Variants in NELL2 observed in about 807,000 individuals in gnomAD.
NELL2 encodes neural EGFL like 2.
In NELL2, 41 loss-of-function variants were observed where a neutral mutation model predicts 109.6. The observed-to-expected ratio is 0.37, with a 90% CI of 0.29 to 0.49. The LOEUF is 0.49. Ranked by LOEUF, NELL2 falls within the 20% of genes least tolerant of loss-of-function variation. The pLI, the probability that NELL2 is intolerant of heterozygous loss-of-function variation, is 0.98. For missense variants in NELL2, 900 were observed against 1,008.3 expected (o/e 0.89, Z 1.45); for synonymous variants, 355 against 344.7 (o/e 1.03, Z -0.33).
At chr12:44,654,813 G>A (rs1372829252) in intron 13 of NELL2, among the ~76,000 whole-genome samples, 4 of 152,130 alleles carry the variant, frequency 2.6e-5, no homozygotes, top group Non-Finnish European at 4.4e-5. Context: ...GTCACCAGGA[G>A]GTTATACACC....
chr12:44,721,259 G>C (rs1300636037), intron 9 of NELL2, among the ~76,000 whole-genome samples: 3 of 152,032 alleles, frequency 2.0e-5, no homozygotes, highest in African/African-American at 7.2e-5. Context: ...TCTTGATCCT[G>C]GCTCATATAC....
chr12:44,617,698 A>AAAAAAAAAAAAAAAAG (rs1162035416), intron 13 of NELL2, among the ~76,000 whole-genome samples: 2 of 147,780 alleles, frequency 1.4e-5, no homozygotes, highest in African/African-American at 2.5e-5. Flanking sequence ...TCTCAAAAAA[A>AAAAAAAAAAAAAAAAG]AAAAAAAAAA....
intron 15 of NELL2, among the ~76,000 whole-genome samples, chr12:44,598,102 C>T (rs1945040045): frequency 6.7e-6 from 1 of 149,296 alleles, no homozygotes; most frequent in African/African-American, 2.5e-5. Context: ...TAACTTGATC[C>T]TTGTGCACCA....
intron 2 of NELL2, among the ~76,000 whole-genome samples, chr12:44,817,965 G>T (rs940731815): frequency 6.6e-6 from 1 of 152,140 alleles, no homozygotes; most frequent in Non-Finnish European, 1.5e-5. Context: ...CCAAGTTAAC[G>T]AAGTCAGACT....
At chr12:44,573,199 G>A (rs564009704) in intron 15 of NELL2, among the ~76,000 whole-genome samples, 100 of 152,182 alleles carry the variant, frequency 6.6e-4, no homozygotes, top group Non-Finnish European at 1.0e-3. Context: ...AGGAAATTAT[G>A]GATAGAACAC....
chr12:44,540,148 C>T (rs1000038376), intron 15 of NELL2, among the ~76,000 whole-genome samples: 1 of 152,106 alleles, frequency 6.6e-6, no homozygotes. Context: ...AAAAAGAATA[C>T]ATCAACACCT....
At chr12:44,655,042 G>C (rs370173445) in intron 13 of NELL2, among the ~76,000 whole-genome samples, 1 of 152,120 alleles carries the variant, frequency 6.6e-6, no homozygotes, top group Non-Finnish European at 1.5e-5. Flanking sequence ...ATTACACTCC[G>C]GGCATGTATA....
At chr12:44,691,942 C>T (rs1948911731) in intron 12 of NELL2, among the ~76,000 whole-genome samples, 1 of 152,118 alleles carries the variant, frequency 6.6e-6, no homozygotes, top group African/African-American at 2.4e-5. Flanking sequence ...GGAAGGTGAA[C>T]CAGCAAGCGC....
chr12:44,627,979 G>T (rs1418148480), intron 13 of NELL2, among the ~76,000 whole-genome samples: 2 of 152,140 alleles, frequency 1.3e-5, no homozygotes, highest in Admixed American at 1.3e-4. Flanking sequence ...ATCCTTATTG[G>T]ATTCACATGT....
intron 15 of NELL2, among the ~76,000 whole-genome samples, chr12:44,563,911 C>T (rs1167770440): frequency 3.3e-5 from 5 of 152,156 alleles, no homozygotes; most frequent in East Asian, 1.9e-4. Flanking sequence ...CAGCTGAAAA[C>T]GTCCACCATG....
intron 15 of NELL2, among the ~76,000 whole-genome samples, chr12:44,536,290 AT>A (rs889788942): frequency 2.0e-5 from 3 of 152,072 alleles, no homozygotes; most frequent in African/African-American, 7.2e-5. Flanking sequence ...AATTAAGTAT[AT>A]TTTGTCTATA....
chr12:44,580,445 G>A (rs1395229706), intron 15 of NELL2, among the ~76,000 whole-genome samples: 7 of 152,106 alleles, frequency 4.6e-5, no homozygotes, highest in East Asian at 1.9e-4. Context: ...AGCTGGGTGC[G>A]GTGGCTTACG....
At chr12:44,780,053 T>G in intron 3 of NELL2, 31 bp from the exon 4 acceptor site, 1 of 1,603,364 alleles carries the variant, frequency 6.2e-7, no homozygotes, top group South Asian at 1.1e-5. Context: ...TGGGACACAT[T>G]AAAAATAAAG....
chr12:44,573,902 C>A (rs570854090), intron 15 of NELL2, among the ~76,000 whole-genome samples: 1 of 152,144 alleles, frequency 6.6e-6, no homozygotes, highest in East Asian at 1.9e-4. Flanking sequence ...AACATGGAGA[C>A]GTTCTGCACT....
At chr12:44,572,787 TAA>T (rs1261862761) in intron 15 of NELL2, among the ~76,000 whole-genome samples, 1 of 152,200 alleles carries the variant, frequency 6.6e-6, no homozygotes, top group Admixed American at 6.5e-5. Flanking sequence ...GAAAGAAACC[TAA>T]GTTTCCTCAG....
chr12:44,875,225 C>A lies in NELL2; in HGVS notation c.184G>T (p.Asp62Tyr). 6.2e-7 allele frequency: 1 copy of A among 1,611,150 alleles called. No individual in the cohort carries two copies. Among genetic ancestry groups the A allele is most frequent in the Non-Finnish European group, 8.5e-7 (1 of 1,177,966 alleles). Residue 62 changes from aspartate (D) to tyrosine (Y), a missense_variant and splice_region_variant, in exon 2 of 20, where the codon GAT (aspartate) becomes TAT (tyrosine). By Grantham distance (160) the Asp-to-Tyr change is radical. Transcript: ENST00000429094. ...TGGGGATGCAGCACGCCGGGCATAC[C>A]TTGAAAGAGAAAGGCTTTCGTCCCA... ...HNGTKAFLFQ[D>Y]TPRSIKASTA...
intron 15 of NELL2, among the ~76,000 whole-genome samples, chr12:44,584,012 G>A (rs916249886): frequency 9.2e-5 from 14 of 152,120 alleles, no homozygotes; most frequent in African/African-American, 3.4e-4. Context: ...GAGCTCAAGC[G>A]ATCCGCCCAC....
intron 9 of NELL2, 199 bp downstream of exon 9, chr12:44,774,548 T>G (rs945354438): frequency 1.8e-6 from 1 of 550,576 alleles, no homozygotes; most frequent in African/African-American, 1.9e-5. Flanking sequence ...CAAGAAAAAA[T>G]TGTCCTACTG....
chr12:44,731,805 A>T (rs1254512401), intron 9 of NELL2, among the ~76,000 whole-genome samples: 1 of 152,078 alleles, frequency 6.6e-6, no homozygotes, highest in Non-Finnish European at 1.5e-5. Context: ...AAGTAAAATT[A>T]TCTTTGTTGG....
Sources: gnomAD v4.1 joint callset for allele counts (sites outside exome capture counted in the v4.1 genomes callset) on GRCh38, gnomAD v4.1.1 for gene constraint, MANE v1.5 for transcripts, NCBI Gene and HGNC (gene_info 2026-07-23, HGNC 2026-07-21) for gene names.